SESTD1: variants seen among roughly 807,000 people sequenced by gnomAD.
The protein encoded by SESTD1 is SEC14 domain and spectrin repeat-containing protein 1.
A neutral mutation model predicts 101.7 loss-of-function variants in SESTD1; 43 were observed. The observed-to-expected ratio is 0.42, with a 90% CI of 0.33 to 0.55. The LOEUF is 0.55. SESTD1 is among the 20% of genes least tolerant of loss of function. The pLI, the probability that SESTD1 is intolerant of heterozygous loss-of-function variation, is 0.07. For synonymous variants in SESTD1, 283 were observed against 286.8 expected (o/e 0.99, Z 0.13); for missense variants, 647 against 815.1 (o/e 0.79, Z 2.51).
chr2:179,169,966 C>T (rs2045902211), intron 5 of SESTD1, among the ~76,000 whole-genome samples: 1 of 142,386 alleles, frequency 7.0e-6, no homozygotes, highest in African/African-American at 2.8e-5. Context: ...AAAAGCGAAA[C>T]TCCATCTCAA....
chr2:179,152,246 TC>T (rs1311349270), intron 5 of SESTD1, among the ~76,000 whole-genome samples: 1 of 152,228 alleles, frequency 6.6e-6, no homozygotes, highest in Non-Finnish European at 1.5e-5. Flanking sequence ...TATAACTTTT[TC>T]TGGAACTCCT....
intron 3 of SESTD1, among the ~76,000 whole-genome samples, chr2:179,179,822 C>G (rs1435985792): frequency 6.6e-6 from 1 of 152,136 alleles, no homozygotes; most frequent in Non-Finnish European, 1.5e-5. Context: ...TCTGATCCCC[C>G]TCCCAGCACT....
chr2:179,132,363 A>G lies in SESTD1; in HGVS notation c.913T>C (p.Ser305Pro). 1 of 1,572,614 alleles carries G rather than the reference A, an allele frequency of 6.4e-7. No homozygotes were observed. The highest frequency in any genetic ancestry group is 8.6e-7 in the Non-Finnish European group (1 of 1,167,472). Residue 305 changes from serine to proline, a missense_variant, in exon 10 of 18, where the codon TCC (serine) becomes CCC (proline). By Grantham distance (74) the Ser-to-Pro change is moderately conservative. Coordinates refer to ENST00000428443, the MANE Select transcript of SESTD1 (RefSeq NM_178123.5). ...TGTAGGGCCTGGGAGGCCCTAATGG[A>G]GTCTCCAATGCCCCACTGGGCTCTT... ...QLRAQWGIGD[S>P]IRASQALQQK...
At chr2:179,141,309 G>C (rs959800106) in intron 9 of SESTD1, among the ~76,000 whole-genome samples, 2 of 152,128 alleles carry the variant, frequency 1.3e-5, no homozygotes, top group African/African-American at 4.8e-5. Context: ...AGTCTTACAA[G>C]TCAGAAATAT....
rs781611827 is a variant in SESTD1, at chr2:179,176,472, C to T, written c.231G>A (p.Val77=). ...VDGRKSQWNV[V]KTVVVMLQNV... ...CCTGTAGCATTACGACTACTGTTTT[C>T]ACCACATTCCACTGTGATTTTCTGC... Residue 77 remains valine, a synonymous_variant, in exon 4 of 18, where the codon GTG becomes GTA. Transcript: ENST00000428443. 1.1e-5 allele frequency: 18 copies of T among 1,613,374 alleles called. No homozygotes were observed. The highest frequency in any genetic ancestry group is 1.5e-5 in the Non-Finnish European group (18 of 1,179,776).
chr2:179,144,952 C>T (rs2045362625), intron 8 of SESTD1, among the ~76,000 whole-genome samples: 1 of 152,002 alleles, frequency 6.6e-6, no homozygotes, highest in South Asian at 2.1e-4. Flanking sequence ...TACTGACAGT[C>T]TATTGTACCT....
chr2:179,146,601 C>G, intron 7 of SESTD1, 144 bp from the exon 8 acceptor site: 1 of 627,674 alleles, frequency 1.6e-6, no homozygotes, highest in Non-Finnish European at 2.7e-6. Flanking sequence ...TAACTTCTCT[C>G]AAGCATAAGG....
At chr2:179,217,510 C>G (rs968109381) in intron 1 of SESTD1, among the ~76,000 whole-genome samples, 1 of 152,218 alleles carries the variant, frequency 6.6e-6, no homozygotes, top group African/African-American at 2.4e-5. Context: ...GAAATAAAAA[C>G]TGTTTTACAC....
intron 1 of SESTD1, among the ~76,000 whole-genome samples, chr2:179,240,362 C>T (rs913265658): frequency 6.6e-6 from 1 of 152,048 alleles, no homozygotes; most frequent in Non-Finnish European, 1.5e-5. Flanking sequence ...TTTCCTATTC[C>T]TCTCACTAAG....
At chr2:179,242,576 T>C (rs2047170497) in intron 1 of SESTD1, among the ~76,000 whole-genome samples, 1 of 152,168 alleles carries the variant, frequency 6.6e-6, no homozygotes, top group Admixed American at 6.5e-5. Flanking sequence ...ACTATAAGGC[T>C]ACAGTAACCA....
chr2:179,187,540 G>C (rs560586721), intron 2 of SESTD1, among the ~76,000 whole-genome samples: 15 of 152,246 alleles, frequency 9.9e-5, no homozygotes, highest in African/African-American at 2.6e-4. Flanking sequence ...AGGCTGAGGT[G>C]GGAGGACTGC....
rs1156872934 is a variant in SESTD1, at chr2:179,103,366, A to T, written c.*6533T>A. ...AAATACAAAATACAGGGCACAATAA[A>T]ACTGAACTGGAAAAAGGTATGGCAG... On this transcript the variant is annotated 3_prime_UTR_variant, in exon 18 of 18. Coordinates refer to ENST00000428443, the MANE Select transcript of SESTD1 (RefSeq NM_178123.5). 6.6e-6 allele frequency: 1 copy of T among 152,108 alleles called. No individual in the cohort carries two copies. Among genetic ancestry groups the T allele is most frequent in the Non-Finnish European group, 1.5e-5 (1 of 68,022 alleles). The allele number at this position is 152,108 out of a possible 1,614,324, so 9.4% of individuals were successfully genotyped here. A position where few individuals can be genotyped will look rare whatever the true frequency, so the allele number is the denominator to read the frequency against.
chr2:179,122,053 C>A, intron 12 of SESTD1, 124 bp from the exon 13 acceptor site: 1 of 796,518 alleles, frequency 1.3e-6, no homozygotes, highest in Non-Finnish European at 1.8e-6. Flanking sequence ...CAGTAAACCA[C>A]CTTGGGATGG....
chr2:179,188,716 GA>G (rs920256603), intron 2 of SESTD1, among the ~76,000 whole-genome samples: 1 of 151,168 alleles, frequency 6.6e-6, no homozygotes, highest in East Asian at 1.9e-4. Context: ...GACTAAGAAA[GA>G]AAAAAAAGAG....
At chr2:179,218,357 C>A (rs2046755501) in intron 1 of SESTD1, among the ~76,000 whole-genome samples, 1 of 151,954 alleles carries the variant, frequency 6.6e-6, no homozygotes, top group African/African-American at 2.4e-5. Context: ...GAATTCACAA[C>A]ATTCGTAACA....
intron 6 of SESTD1, among the ~76,000 whole-genome samples, chr2:179,150,297 ATTAT>A (rs758194678): frequency 6.6e-6 from 1 of 152,118 alleles, no homozygotes; most frequent in African/African-American, 2.4e-5. Context: ...CAATAAAATT[ATTAT>A]TTAATCTAAA....
intron 3 of SESTD1, among the ~76,000 whole-genome samples, chr2:179,180,255 T>C (rs536566483): frequency 3.1e-4 from 47 of 152,276 alleles, no homozygotes; most frequent in Middle Eastern, 3.4e-3. Context: ...GTATAAGAAA[T>C]TGAGTAATTT....
At chr2:179,115,911 A>C (rs1308974011) in intron 15 of SESTD1, among the ~76,000 whole-genome samples, 1 of 152,206 alleles carries the variant, frequency 6.6e-6, no homozygotes, top group Non-Finnish European at 1.5e-5. Flanking sequence ...AAGTAGGTGA[A>C]ATTAGGCACT....
At chr2:179,208,685 T>C (rs2046617580) in intron 1 of SESTD1, among the ~76,000 whole-genome samples, 1 of 134,868 alleles carries the variant, frequency 7.4e-6, no homozygotes, top group African/African-American at 2.9e-5. Context: ...AATTTGCCAA[T>C]ACCAAGCAAG....
Sources: gnomAD v4.1 joint callset for allele counts (sites outside exome capture counted in the v4.1 genomes callset) on GRCh38, gnomAD v4.1.1 for gene constraint, MANE v1.5 for transcripts, NCBI Gene and HGNC (gene_info 2026-07-23, HGNC 2026-07-21) for gene names.